The following ELOA variants were observed in gnomAD, a reference collection of about 807,000 sequenced individuals.
ELOA encodes elongin-A.
A neutral mutation model predicts 85.2 loss-of-function variants in ELOA; 15 were observed. The ratio of observed to expected loss-of-function variants is 0.18; its 90% CI spans 0.12 to 0.27. The LOEUF is 0.27. Among genes scored for constraint, ELOA ranks in the 10% least tolerant of loss-of-function variants. ELOA has a pLI of 1.00. For missense variants in ELOA, 769 were observed against 952.7 expected (o/e 0.81, Z 2.54); for synonymous variants, 348 against 357.2 (o/e 0.97, Z 0.29).
At position 23,759,810 on chromosome 1, in the gene ELOA, A is replaced by T. The variant is rs1013374141; in HGVS notation, c.*237A>T. The T allele has an allele frequency of 1.9e-6, 1 of 536,706 alleles. No homozygotes were observed. The highest frequency in any genetic ancestry group is 1.9e-5 in the African/African-American group (1 of 52,626). The allele number at this position is 536,706 out of a possible 1,614,324, so 33.2% of individuals were successfully genotyped here. A position where few individuals can be genotyped will look rare whatever the true frequency, so the allele number is the denominator to read the frequency against. ...AAGCCTCTGTCTCACTGAGGATTTT[A>T]AAGGTCAATTATACTTTTGTTGTTC... On this transcript the variant is annotated 3_prime_UTR_variant, in exon 11 of 11. Transcript: ENST00000613537.
chr1:23,757,084 G>A lies in ELOA; in HGVS notation c.2216G>A (p.Ser739Asn), dbSNP rs1644797580. ...TSSAHLAPVV[S>N]STVSYDPRKP... Reference sequence around the variant, plus strand: ...AGTGCCCACTTGGCACCAGTGGTCAGCAGCACTGTTTCCTATGATCCTAGG... The same window carrying A: ...AGTGCCCACTTGGCACCAGTGGTCAACAGCACTGTTTCCTATGATCCTAGG... The change falls in exon 10 of 11, where the codon AGC becomes AAC. Residue 739 changes from serine to asparagine, a missense_variant. By Grantham distance (46) the Ser-to-Asn change is conservative. Around this residue, in one of 4 missense-constraint regions of ELOA, gnomAD observed 116 missense variants for 141.0 expected, o/e 0.82. Transcript: ENST00000613537. 6.3e-7 allele frequency: 1 copy of A among 1,599,968 alleles called. No individual in the cohort carries two copies. The highest frequency in any genetic ancestry group is 8.5e-7 in the Non-Finnish European group (1 of 1,175,664).
intron 7 of ELOA, among the ~76,000 whole-genome samples, chr1:23,755,147 G>C (rs1190181875): frequency 6.6e-6 from 1 of 152,034 alleles, no homozygotes; most frequent in Admixed American, 6.6e-5. Flanking sequence ...GAAGTGCTGG[G>C]ATTACAGGCA....
At position 23,759,815 on chromosome 1, in the gene ELOA, T is replaced by G. The variant is rs369204602; in HGVS notation, c.*242T>G. The G allele has an allele frequency of 3.8e-6, 2 of 523,856 alleles. No individual in the cohort carries two copies. The highest frequency in any genetic ancestry group is 2.5e-5 in the South Asian group (1 of 39,704). 32.5% of individuals were successfully genotyped at this position (523,856 alleles called of 1,614,324 possible). ...TCTGTCTCACTGAGGATTTTAAAGG[T>G]CAATTATACTTTTGTTGTTCATTAG... On this transcript the variant is annotated 3_prime_UTR_variant, in exon 11 of 11. Coordinates refer to ENST00000613537, the MANE Select transcript of ELOA (RefSeq NM_003198.3).
At chr1:23,747,880 A>G (rs562290002) in intron 1 of ELOA, among the ~76,000 whole-genome samples, 5 of 152,228 alleles carry the variant, frequency 3.3e-5, no homozygotes, top group African/African-American at 9.6e-5. Flanking sequence ...TGGCATACCA[A>G]TTATAGTCTG....
chr1:23,755,029 T>C lies in ELOA; in HGVS notation c.1791+569T>C, dbSNP rs538815799. Among the ~76,000 whole-genome samples, 41 of 152,002 alleles carry C rather than the reference T, an allele frequency of 2.7e-4. No individual in the cohort carries two copies. The South Asian group carries it at 8.5e-3, about 32-fold the overall frequency. On this transcript the variant is annotated intron_variant, in intron 7 of 10. Coordinates refer to ENST00000613537, the MANE Select transcript of ELOA (RefSeq NM_003198.3). ...ATGGCTTACTGCATCCTTGAACTCCTGGGCTTAAGTGATCCTCCCAAGTAG... is the reference window on the plus strand; with the variant it reads ...ATGGCTTACTGCATCCTTGAACTCCCGGGCTTAAGTGATCCTCCCAAGTAG...
chr1:23,759,660 G>A lies in ELOA; in HGVS notation c.*87G>A, dbSNP rs1396086954. ...GGGGAATGGAATTCTACAGGAGACTGGAGTCTTGCTTTGTGGATCCTTTTG... is the reference window on the plus strand; with the variant it reads ...GGGGAATGGAATTCTACAGGAGACTAGAGTCTTGCTTTGTGGATCCTTTTG... On this transcript the variant is annotated 3_prime_UTR_variant, in exon 11 of 11. Transcript: ENST00000613537. The A allele has an allele frequency of 6.7e-7, 1 of 1,490,316 alleles. No homozygotes were observed. Among genetic ancestry groups the A allele is most frequent in the Non-Finnish European group, 9.3e-7 (1 of 1,070,374 alleles). 92.3% of individuals were successfully genotyped at this position (1,490,316 alleles called of 1,614,324 possible). A position where few individuals can be genotyped will look rare whatever the true frequency, so the allele number is the denominator to read the frequency against.
At chr1:23,748,925 C>T (rs1052651499) in intron 1 of ELOA, 96 bp from the exon 2 acceptor site, 1 of 923,766 alleles carries the variant, frequency 1.1e-6, no homozygotes, top group South Asian at 1.4e-5. Flanking sequence ...AATACTTATA[C>T]TCATTACTGT....
intron 7 of ELOA, among the ~76,000 whole-genome samples, chr1:23,755,363 A>G (rs1335091686): frequency 6.6e-6 from 1 of 152,162 alleles, no homozygotes; most frequent in Non-Finnish European, 1.5e-5. Context: ...AGTGCCTCAC[A>G]CTTCGCATTT....
intron 1 of ELOA, among the ~76,000 whole-genome samples, chr1:23,748,528 T>C (rs563574927): frequency 9.8e-5 from 15 of 152,350 alleles, no homozygotes; most frequent in South Asian, 2.1e-4. Flanking sequence ...TTTACACTTA[T>C]GTAGAAGAAA....
intron 7 of ELOA, among the ~76,000 whole-genome samples, chr1:23,755,111 A>G (rs778552981): frequency 8.5e-5 from 13 of 152,060 alleles, no homozygotes; most frequent in Non-Finnish European, 1.6e-4. Flanking sequence ...TTTTAGAGAG[A>G]TGGACTCTCA....
chr1:23,751,618 T>C lies in ELOA; in HGVS notation c.1013T>C (p.Leu338Ser), dbSNP rs1022737213. 1 of 1,614,000 alleles carries C rather than the reference T, an allele frequency of 6.2e-7. No individual in the cohort carries two copies. ...PKHRDPEKAKLDKSKQGLDSF... is the reference protein window; with the variant it reads ...PKHRDPEKAKSDKSKQGLDSF... ...CACAGAGACCCAGAGAAAGCCAAAT[T>C]GGACAAAAGCAAGCAAGGTCTGGAC... is the stretch of plus-strand genomic sequence containing the variant. The change falls in exon 4 of 11, where the codon TTG becomes TCG. Residue 338 changes from leucine to serine, a missense_variant. Leu to Ser is a moderately radical substitution (Grantham distance 145, BLOSUM62 -2). Transcript: ENST00000613537.
Position 23,756,080 on chromosome 1 carries a change from G to C in ELOA, c.1972+57G>C, listed in dbSNP as rs989376585. ...GGCAGGATGAGTGTTCTGGTCAATA[G>C]CAGGGTGTTGGTGGGCTTGGCTGGT... On this transcript the variant is annotated intron_variant, in intron 8 of 10. Transcript: ENST00000613537. 3 of 1,582,332 alleles carry C rather than the reference G, an allele frequency of 1.9e-6. No individual in the cohort carries two copies. In the Admixed American group the frequency reaches 5.3e-5, roughly 28 times the overall value.
At chr1:23,757,689 C>T (rs540978625) in intron 10 of ELOA, among the ~76,000 whole-genome samples, 8 of 151,858 alleles carry the variant, frequency 5.3e-5, no homozygotes, top group Middle Eastern at 3.4e-3. Flanking sequence ...TTAGTAGAGA[C>T]GGGGTTTCAC....
At position 23,761,243 on chromosome 1, in the gene ELOA, C is replaced by T. The variant is rs1013847198; in HGVS notation, c.*1670C>T. 1.3e-5 allele frequency: 2 copies of T among 152,094 alleles called. No individual in the cohort carries two copies. The highest frequency in any genetic ancestry group is 2.9e-5 in the Non-Finnish European group (2 of 68,022). 9.4% of individuals were successfully genotyped at this position (152,094 alleles called of 1,614,324 possible). Reference sequence around the variant, plus strand: ...ACTTTACTTCTCTTGGTTACTTGTACCACCATTCCACCCCTATCCCTAGCC... The same window carrying T: ...ACTTTACTTCTCTTGGTTACTTGTATCACCATTCCACCCCTATCCCTAGCC... On this transcript the variant is annotated 3_prime_UTR_variant, in exon 11 of 11. Transcript: ENST00000613537.
In ELOA at chr1:23,756,004, A is replaced by C; in HGVS notation, c.1953A>C (p.Ala651=). 2 of 1,613,096 alleles carry C rather than the reference A, an allele frequency of 1.2e-6. No homozygotes were observed. The highest frequency in any genetic ancestry group is 1.7e-6 in the Non-Finnish European group (2 of 1,179,768). Residue 651 remains alanine, a synonymous_variant, in exon 8 of 11, where the codon GCA becomes GCC. Transcript: ENST00000613537. The stretch of plus-strand genomic sequence containing the variant: ...TACTAACAAAGAATATCCAGTTCGC[A>C]CATGCCAATAAGCCCAAAGGTAACA... ...LRVLTKNIQF[A]HANKPKGRQA...
chr1:23,750,521 T>A (rs552205831), intron 3 of ELOA, among the ~76,000 whole-genome samples: 72 of 152,296 alleles, frequency 4.7e-4, no homozygotes, highest in African/African-American at 1.7e-3. Flanking sequence ...GGCATTTTTT[T>A]AAGTTGTGAA....
intron 10 of ELOA, among the ~76,000 whole-genome samples, chr1:23,758,259 A>ATTTATTTT (rs1557456687): frequency 1.4e-4 from 6 of 41,956 alleles, no homozygotes; most frequent in East Asian, 7.2e-4. Context: ...TTATTTATTT[A>ATTTATTTT]TTTTTTTTTT....
chr1:23,758,250 T>TG (rs1638234558), intron 10 of ELOA, among the ~76,000 whole-genome samples: 1 of 57,360 alleles, frequency 1.7e-5, no homozygotes, highest in Non-Finnish European at 3.1e-5. Flanking sequence ...TCTTCCAATT[T>TG]ATTTATTTAT....
Position 23,761,891 on chromosome 1 carries a change from G to A in ELOA, c.*2318G>A, listed in dbSNP as rs918004628. ...TTGGGGCTTTTTCTTTCTGGGAAGC[G>A]GGAGGGAAAGGAGCAAGGTGTCATC... On this transcript the variant is annotated 3_prime_UTR_variant, in exon 11 of 11. Transcript: ENST00000613537. 11 of 152,094 alleles carry A rather than the reference G, an allele frequency of 7.2e-5. No homozygotes were observed. The allele number at this position is 152,094 out of a possible 1,614,324, so 9.4% of individuals were successfully genotyped here. A position where few individuals can be genotyped will look rare whatever the true frequency, so the allele number is the denominator to read the frequency against.
Sources: allele counts gnomAD v4.1 joint callset (sites outside exome capture counted in the v4.1 genomes callset), GRCh38; gene constraint gnomAD v4.1.1; regional missense constraint gnomAD v4.1.1; transcripts MANE v1.5; gene names NCBI Gene and HGNC (gene_info 2026-07-23, HGNC 2026-07-21).